The following CNTNAP5 variants were observed in gnomAD, a reference collection of about 807,000 sequenced individuals.
The protein encoded by CNTNAP5 is contactin associated protein family member 5, also known as contactin-associated protein-like 5.
Under a neutral mutation model 150.2 loss-of-function variants are expected in CNTNAP5, and 72 were observed. The observed-to-expected ratio is 0.48, with a 90% CI of 0.40 to 0.58. The LOEUF is 0.58. CNTNAP5 is among the 20% of genes least tolerant of loss of function. The pLI is 0.00. For missense variants in CNTNAP5, 1,636 were observed against 1,626.2 expected (o/e 1.01, Z -0.10); for synonymous variants, 672 against 619.8 (o/e 1.08, Z -1.25).
At chr2:124,690,078 A>G (rs1483709758) in intron 13 of CNTNAP5, among the ~76,000 whole-genome samples, 1 of 152,058 alleles carries the variant, frequency 6.6e-6, no homozygotes, top group Non-Finnish European at 1.5e-5. Context: ...GAAACAAGGG[A>G]TGCTTTAAAA....
intron 1 of CNTNAP5, among the ~76,000 whole-genome samples, chr2:124,127,304 T>C (rs1050223175): frequency 6.6e-6 from 1 of 152,172 alleles, no homozygotes; most frequent in Non-Finnish European, 1.5e-5. Flanking sequence ...GAACTCACAT[T>C]CACAATTGCT....
At chr2:124,479,365 G>C (rs12476991) in intron 7 of CNTNAP5, among the ~76,000 whole-genome samples, 2 of 151,838 alleles carry the variant, frequency 1.3e-5, no homozygotes, top group Non-Finnish European at 2.9e-5. Context: ...TTCTCCCAGA[G>C]GCAAGGAGCA....
intron 12 of CNTNAP5, among the ~76,000 whole-genome samples, chr2:124,619,476 G>C (rs917475540): frequency 6.6e-6 from 1 of 152,056 alleles, no homozygotes; most frequent in Non-Finnish European, 1.5e-5. Flanking sequence ...TCTGCCCTTG[G>C]GGTGATGGTT....
At chr2:124,042,712 T>G (rs1485951191) in intron 1 of CNTNAP5, among the ~76,000 whole-genome samples, 1 of 152,202 alleles carries the variant, frequency 6.6e-6, no homozygotes, top group Non-Finnish European at 1.5e-5. Flanking sequence ...TGAAGTCTGT[T>G]TATAGTAAAG....
At chr2:124,157,268 C>T (rs533756925) in intron 1 of CNTNAP5, among the ~76,000 whole-genome samples, 204 of 152,134 alleles carry the variant, frequency 1.3e-3, no homozygotes, top group Non-Finnish European at 2.4e-3. Context: ...TCCAGTGCCT[C>T]GTTGGAAAAC....
intron 3 of CNTNAP5, among the ~76,000 whole-genome samples, chr2:124,378,967 C>A (rs1258542952): frequency 6.6e-6 from 1 of 151,996 alleles, no homozygotes; most frequent in African/African-American, 2.4e-5. Context: ...CTACTGCTAT[C>A]TTTTTTTCTA....
chr2:124,631,268 A>G (rs747597404), intron 12 of CNTNAP5, among the ~76,000 whole-genome samples: 4 of 152,204 alleles, frequency 2.6e-5, no homozygotes, highest in Non-Finnish European at 4.4e-5. Flanking sequence ...CATAGCCAAG[A>G]CAATCCTAAG....
intron 1 of CNTNAP5, among the ~76,000 whole-genome samples, chr2:124,082,075 C>A (rs980923996): frequency 6.6e-6 from 1 of 152,100 alleles, no homozygotes; most frequent in Non-Finnish European, 1.5e-5. Flanking sequence ...CAGGGCCAGG[C>A]GCAGTGGCTC....
intron 13 of CNTNAP5, among the ~76,000 whole-genome samples, chr2:124,707,829 T>G (rs1293958288): frequency 6.6e-6 from 1 of 152,224 alleles, no homozygotes; most frequent in Non-Finnish European, 1.5e-5. Context: ...TATCGTAAAT[T>G]TCCTTTCAGT....
rs13031419 is a variant in CNTNAP5, at chr2:124,066,956, G to A, written c.82+41224G>A. Among the ~76,000 whole-genome samples, 1,189 of 152,202 alleles carry A rather than the reference G, an allele frequency of 7.8e-3. 4 individuals are homozygous for A. The highest frequency in any genetic ancestry group is 0.012 in the Non-Finnish European group (814 of 68,008). ...ATGCTGCTGTTTGTAATCAAGTGCA[G>A]GAATTTGAAGAATTCAAGACTACAT... On this transcript the variant is annotated intron_variant, in intron 1 of 23. Coordinates refer to ENST00000682447, the MANE Select transcript of CNTNAP5 (RefSeq NM_001367498.1).
intron 3 of CNTNAP5, among the ~76,000 whole-genome samples, chr2:124,265,336 T>C (rs997368896): frequency 1.3e-5 from 2 of 152,092 alleles, no homozygotes; most frequent in African/African-American, 2.4e-5. Context: ...AAGGTCCAAA[T>C]GGGCGGCAGG....
At chr2:124,880,245 C>T (rs1372453111) in intron 21 of CNTNAP5, among the ~76,000 whole-genome samples, 1 of 152,138 alleles carries the variant, frequency 6.6e-6, no homozygotes, top group East Asian at 1.9e-4. Flanking sequence ...TTCCTTTACA[C>T]TTGCACAATT....
chr2:124,469,298 A>C (rs1422292220), intron 6 of CNTNAP5, among the ~76,000 whole-genome samples: 2 of 152,184 alleles, frequency 1.3e-5, no homozygotes, highest in African/African-American at 4.8e-5. Context: ...GTGTTTTGCT[A>C]TTTAAAAGAC....
intron 1 of CNTNAP5, among the ~76,000 whole-genome samples, chr2:124,150,723 C>T (rs1462964140): frequency 6.6e-6 from 1 of 152,080 alleles, no homozygotes; most frequent in Non-Finnish European, 1.5e-5. Flanking sequence ...CTCTTCTTAT[C>T]AGGATACTAA....
intron 1 of CNTNAP5, among the ~76,000 whole-genome samples, chr2:124,065,407 G>C (rs1166468461): frequency 6.6e-6 from 1 of 151,966 alleles, no homozygotes. Context: ...CCAGTTTTCT[G>C]TGTGATGCAA....
At chr2:124,527,185 C>A in intron 9 of CNTNAP5, 100 bp from the exon 10 acceptor site, 2 of 958,000 alleles carry the variant, frequency 2.1e-6, no homozygotes, top group Non-Finnish European at 3.1e-6. Context: ...AATGAGAAAG[C>A]ACCAAACTAA....
chr2:124,919,187 G>A lies in CNTNAP5; in HGVS notation c.*4899G>A, dbSNP rs952877197. Among the ~76,000 whole-genome samples, 2 of 151,928 alleles carry A rather than the reference G, an allele frequency of 1.3e-5. No individual in the cohort carries two copies. The highest frequency in any genetic ancestry group is 2.9e-5 in the Non-Finnish European group (2 of 67,976). ...AGGGCTGTTATTCAACTTTTCTCTT[G>A]AACATTCTACATACATATCTGTTTG... On this transcript the variant is annotated 3_prime_UTR_variant, in exon 24 of 24. Coordinates refer to ENST00000682447, the MANE Select transcript of CNTNAP5 (RefSeq NM_001367498.1).
intron 1 of CNTNAP5, among the ~76,000 whole-genome samples, chr2:124,155,117 A>T (rs530494218): frequency 2.4e-5 from 3 of 127,556 alleles, no homozygotes; most frequent in African/African-American, 9.2e-5. Context: ...TAATTGTTCC[A>T]ATTTTTTTTC....
At chr2:124,326,714 C>T (rs1006604689) in intron 3 of CNTNAP5, among the ~76,000 whole-genome samples, 10 of 152,026 alleles carry the variant, frequency 6.6e-5, no homozygotes. Context: ...CACTTGAGCC[C>T]ACGTGTTCAA....
Sources: gnomAD v4.1 joint callset for allele counts (sites outside exome capture counted in the v4.1 genomes callset) on GRCh38, gnomAD v4.1.1 for gene constraint, MANE v1.5 for transcripts, NCBI Gene and HGNC (gene_info 2026-07-23, HGNC 2026-07-21) for gene names.